The following XIRP2 variants were observed in gnomAD, a reference collection of about 807,000 sequenced individuals.
XIRP2 encodes the protein xin actin binding repeat containing 2.
XIRP2 carries 236 observed loss-of-function variants against 277.0 expected under a neutral mutation model. The ratio of observed to expected loss-of-function variants is 0.85; its 90% confidence interval spans 0.77 to 0.95. The LOEUF is 0.95. Ranked by LOEUF, XIRP2 falls within the 40% of genes least tolerant of loss-of-function variation. XIRP2 has a pLI of 0.00. For missense variants in XIRP2, 4,640 were observed against 4,157.5 expected, an observed-to-expected ratio of 1.12 and a Z score of -3.19; for synonymous variants, 1,490 against 1,416.5, an observed-to-expected ratio of 1.05 and a Z score of -1.17.
chr2:166,905,420 TAAC>T (rs1231626869), intron 2 of XIRP2, among the ~76,000 whole-genome samples: 1 of 151,968 alleles, frequency 6.6e-6, no homozygotes, highest in Non-Finnish European at 1.5e-5. Context: ...AGTAAGATAA[TAAC>T]ACATTAATGA....
chr2:166,905,799 G>T (rs924919186), intron 2 of XIRP2, among the ~76,000 whole-genome samples: 18 of 151,606 alleles, frequency 1.2e-4, no homozygotes, highest in Admixed American at 1.1e-3. Context: ...AGCTCAATGA[G>T]GAATTAACTT....
chr2:167,084,595 A>G (rs952146766), intron 2 of XIRP2, among the ~76,000 whole-genome samples: 8 of 151,816 alleles, frequency 5.3e-5, no homozygotes, highest in Non-Finnish European at 1.2e-4. Context: ...TTGGTAAGCT[A>G]TTGATTATTG....
intron 2 of XIRP2, among the ~76,000 whole-genome samples, chr2:167,112,535 A>G (rs1690785334): frequency 6.7e-6 from 1 of 148,366 alleles, no homozygotes; most frequent in African/African-American, 2.5e-5. Context: ...CTATATATAT[A>G]TACCAGATAT....
Position 167,159,750 on chromosome 2 carries a change from A to G in XIRP2, c.562+23688A>G, listed in dbSNP as rs138307947. 2.8e-4 allele frequency among the ~76,000 whole-genome samples: 42 copies of G among 152,322 alleles called. No individual in the cohort carries two copies. In the East Asian group the frequency reaches 7.5e-3, roughly 27 times the overall value. On this transcript the variant is annotated intron_variant, in intron 3 of 10. Coordinates refer to ENST00000409195, the MANE Select transcript of XIRP2 (RefSeq NM_152381.6). ...TTTCTTATGAAGATTATATTGGATG[A>G]TGCTTTTCAACATGCTTAGGACATA...
At chr2:166,985,243 A>G (rs914718270) in intron 2 of XIRP2, among the ~76,000 whole-genome samples, 2 of 152,222 alleles carry the variant, frequency 1.3e-5, no homozygotes, top group Non-Finnish European at 2.9e-5. Context: ...TAGTGACCCT[A>G]GCTAACAGAC....
chr2:167,123,353 G>A (rs16852985), intron 2 of XIRP2, among the ~76,000 whole-genome samples: 4,620 of 152,196 alleles, frequency 0.03, 77 homozygotes, highest in East Asian at 0.05. Flanking sequence ...TATTTTTAAA[G>A]CTACGAAGAA....
chr2:167,160,844 A>G (rs1692341684), intron 3 of XIRP2, among the ~76,000 whole-genome samples: 1 of 152,206 alleles, frequency 6.6e-6, no homozygotes, highest in South Asian at 2.1e-4. Context: ...TCGAAAGTCC[A>G]CAATCCAAAG....
intron 2 of XIRP2, among the ~76,000 whole-genome samples, chr2:167,078,638 C>T (rs548160716): frequency 5.7e-4 from 87 of 152,056 alleles, no homozygotes; most frequent in African/African-American, 1.8e-3. Flanking sequence ...AGATCAAGAC[C>T]ATCCTGGCTA....
chr2:167,065,502 C>T (rs1689278670), intron 2 of XIRP2, among the ~76,000 whole-genome samples: 1 of 151,016 alleles, frequency 6.6e-6, no homozygotes, highest in Admixed American at 6.6e-5. Context: ...GAAACACAAA[C>T]TTTTTTTTTA....
chr2:167,129,491 G>T (rs193158356), intron 2 of XIRP2, among the ~76,000 whole-genome samples: 18 of 152,150 alleles, frequency 1.2e-4, no homozygotes, highest in Admixed American at 1.0e-3. Context: ...TAGACATTGG[G>T]TTGTATTAAA....
intron 2 of XIRP2, among the ~76,000 whole-genome samples, chr2:167,113,393 T>C (rs1463389585): frequency 6.6e-6 from 1 of 152,188 alleles, no homozygotes; most frequent in African/African-American, 2.4e-5. Flanking sequence ...CTCTCTACCA[T>C]TATATAATGC....
intron 2 of XIRP2, among the ~76,000 whole-genome samples, chr2:167,131,686 G>A (rs1691382047): frequency 6.6e-6 from 1 of 151,972 alleles, no homozygotes; most frequent in African/African-American, 2.4e-5. Context: ...ATTTTTCAAG[G>A]CTTGGTTCTG....
chr2:167,223,494 G>A (rs897090845), intron 5 of XIRP2, among the ~76,000 whole-genome samples: 15 of 152,130 alleles, frequency 9.9e-5, no homozygotes, highest in African/African-American at 3.6e-4. Flanking sequence ...TCTAGACAAT[G>A]CTAGGTCAAT....
intron 2 of XIRP2, among the ~76,000 whole-genome samples, chr2:167,065,470 CA>C (rs1464404001): frequency 6.6e-6 from 1 of 151,770 alleles, no homozygotes; most frequent in African/African-American, 2.4e-5. Flanking sequence ...GATGGCTTTT[CA>C]GTCAGTTGAC....
chr2:167,190,587 T>C (rs879449243), intron 3 of XIRP2, among the ~76,000 whole-genome samples: 3 of 152,232 alleles, frequency 2.0e-5, no homozygotes, highest in Non-Finnish European at 4.4e-5. Context: ...TACTATTTAT[T>C]TTCCTAGTCA....
intron 3 of XIRP2, among the ~76,000 whole-genome samples, chr2:167,208,385 G>A (rs1693919498): frequency 6.6e-6 from 1 of 152,146 alleles, no homozygotes; most frequent in Non-Finnish European, 1.5e-5. Context: ...TGGCTTCACT[G>A]CAAGCTTCGC....
At chr2:167,083,101 C>T (rs1689795552) in intron 2 of XIRP2, among the ~76,000 whole-genome samples, 1 of 152,086 alleles carries the variant, frequency 6.6e-6, no homozygotes, top group Non-Finnish European at 1.5e-5. Context: ...GTCTTTAATC[C>T]ATCTTGAATT....
chr2:166,975,721 C>T (rs1445098343), intron 2 of XIRP2, among the ~76,000 whole-genome samples: 2 of 151,754 alleles, frequency 1.3e-5, no homozygotes, highest in Admixed American at 6.6e-5. Context: ...GTCAGGAGAT[C>T]GAGACCATCC....
chr2:166,945,502 AT>A (rs1685834756), intron 2 of XIRP2, among the ~76,000 whole-genome samples: 1 of 152,016 alleles, frequency 6.6e-6, no homozygotes, highest in African/African-American at 2.4e-5. Flanking sequence ...ATCTAATTAA[AT>A]TTTTATAAAA....
Sources: gnomAD v4.1 joint callset for allele counts (sites outside exome capture counted in the v4.1 genomes callset) on GRCh38, gnomAD v4.1.1 for gene constraint, MANE v1.5 for transcripts, NCBI Gene and HGNC (gene_info 2026-07-23, HGNC 2026-07-21) for gene names.